Variants in MICB observed in about 807,000 individuals in gnomAD.
MICB encodes MHC class I antigen-related protein B.
MICB carries 27 observed loss-of-function variants against 34.3 expected under a neutral mutation model. The observed-to-expected ratio is 0.79, with a 90% CI of 0.58 to 1.08. MICB has a LOEUF of 1.08. Ranked by LOEUF, MICB falls within the 50% of genes least tolerant of loss-of-function variation. The pLI is 0.00. For missense variants in MICB, 426 were observed against 483.1 expected (o/e 0.88, Z 1.11); for synonymous variants, 153 against 187.4 (o/e 0.82, Z 1.50).
At chr6:31,509,475 G>T (rs191887655) in intron 5 of MICB, among the ~76,000 whole-genome samples, 8 of 152,320 alleles carry the variant, frequency 5.3e-5, no homozygotes, top group Admixed American at 4.6e-4. Context: ...CACTGTAACA[G>T]GACTGGTCAG....
chr6:31,505,176 C>T (rs1162678291), intron 1 of MICB, among the ~76,000 whole-genome samples: 2 of 150,728 alleles, frequency 1.3e-5, no homozygotes, highest in African/African-American at 2.4e-5. Flanking sequence ...CTCAAGGCAG[C>T]TCGCCTTGCC....
chr6:31,502,191 C>T (rs746917246), intron 1 of MICB, among the ~76,000 whole-genome samples: 1 of 152,106 alleles, frequency 6.6e-6, no homozygotes, highest in African/African-American at 2.4e-5. Context: ...CAAAATTAGC[C>T]AGGCGTGGTG....
At chr6:31,501,160 G>C (rs1159099528) in intron 1 of MICB, among the ~76,000 whole-genome samples, 1 of 152,254 alleles carries the variant, frequency 6.6e-6, no homozygotes, top group East Asian at 1.9e-4. Context: ...TAGGAGTTTT[G>C]ATTTGCCTTC....
chr6:31,500,078 G>A lies in MICB; in HGVS notation c.70+1815G>A, dbSNP rs2904594. ...AGACCTAAAACAGGCTGTTGGGCCA[G>A]CTGTTCCTTGACCTTCCTTCTTTTC... On this transcript the variant is annotated intron_variant, in intron 1 of 5. Transcript: ENST00000252229. Among the ~76,000 whole-genome samples the A allele has an allele frequency of 1.2e-4, 18 of 149,892 alleles. 1 individual carries two copies. The East Asian group carries it at 2.0e-3, about 16-fold the overall frequency.
intron 1 of MICB, among the ~76,000 whole-genome samples, chr6:31,500,591 C>G (rs1425947772): frequency 6.6e-6 from 1 of 152,152 alleles, no homozygotes; most frequent in Non-Finnish European, 1.5e-5. Flanking sequence ...CGCACTCCCC[C>G]ACTCCCCACT....
chr6:31,496,982 T>C (rs1328591125), upstream of MICB, among the ~76,000 whole-genome samples: 2 of 152,008 alleles, frequency 1.3e-5, no homozygotes, highest in Non-Finnish European at 2.9e-5. Context: ...AGACAATAGA[T>C]TGTGGGAGCT....
intron 1 of MICB, among the ~76,000 whole-genome samples, chr6:31,505,358 AG>A (rs1468980571): frequency 6.6e-6 from 1 of 152,002 alleles, no homozygotes. Flanking sequence ...CTATTCCCTT[AG>A]GGGGCTTGTG....
In MICB at chr6:31,507,286, A is replaced by C. The variant is rs995362095; in HGVS notation, c.878A>C (p.His293Pro). Reference sequence around the variant, plus strand: ...GAACACAGCGGGAATCACGGCACTCACCCTGTGCCCTCTGGTGAGCCTGGG... The same window carrying C: ...GAACACAGCGGGAATCACGGCACTCCCCCTGTGCCCTCTGGTGAGCCTGGG... ...YMEHSGNHGT[H>P]PVPSGKALVL... The change falls in exon 4 of 6, where the codon CAC becomes CCC. Residue 293 changes from histidine (H) to proline (P), a missense_variant. Coordinates refer to ENST00000252229, the MANE Select transcript of MICB (RefSeq NM_005931.5). The surrounding 1 kb of genome is among the most constrained non-coding windows in gnomAD (Gnocchi z 6.0). The C allele has an allele frequency of 6.2e-7, 1 of 1,612,738 alleles. No homozygotes were observed. The highest frequency in any genetic ancestry group is 8.5e-7 in the Non-Finnish European group (1 of 1,179,434).
chr6:31,506,208 C>T lies in MICB; in HGVS notation c.391C>T (p.Arg131Trp), dbSNP rs1383911821. ...IHEDSSTRGS[R>W]HFYYDGELFL... ...TGAAGACAGCAGCACCAGGGGCTCC[C>T]GGCATTTCTACTACGATGGGGAGCT... The change falls in exon 3 of 6, where the codon CGG (arginine) becomes TGG (tryptophan). Residue 131 changes from arginine (R) to tryptophan (W), a missense_variant. Arg to Trp is a moderately radical substitution (Grantham distance 101). Transcript: ENST00000252229. 1.6e-5 allele frequency: 26 copies of T among 1,613,946 alleles called. No individual in the cohort carries two copies. The highest frequency in any genetic ancestry group is 1.6e-4 in the Middle Eastern group (1 of 6,084).
At chr6:31,508,816 C>T (rs564720945) in intron 5 of MICB, among the ~76,000 whole-genome samples, 3 of 152,204 alleles carry the variant, frequency 2.0e-5, no homozygotes, top group Non-Finnish European at 2.9e-5. Flanking sequence ...AGGATTTCCT[C>T]TAATACTGCT....
chr6:31,506,743 C>T (rs1349298522), intron 3 of MICB, among the ~76,000 whole-genome samples: 2 of 152,134 alleles, frequency 1.3e-5, no homozygotes, highest in Non-Finnish European at 2.9e-5. Flanking sequence ...CTGCCCATCC[C>T]GGAGAGTTCC....
chr6:31,505,418 CCTT>C (rs1765247496), intron 1 of MICB, among the ~76,000 whole-genome samples, 196 bp from the exon 2 acceptor site: 1 of 152,004 alleles, frequency 6.6e-6, no homozygotes, highest in Non-Finnish European at 1.5e-5. Context: ...CTTCATTCCC[CCTT>C]CTTCTGTTCA....
intron 1 of MICB, among the ~76,000 whole-genome samples, chr6:31,505,044 T>C (rs4713470): frequency 0.34 from 51,023 of 150,746 alleles, 8,618 homozygotes; most frequent in East Asian, 0.46. Flanking sequence ...CAAGCCCACA[T>C]CATTGCTCCC....
At chr6:31,494,964 CGCCT>C (rs779321537), upstream of MICB, 51,346 of 155,250 alleles carry the variant, frequency 0.33, 8,774 homozygotes, top group East Asian at 0.46. Context: ...AGGAGGAAGT[CGCCT>C]CTGTGCTCGT....
chr6:31,504,254 C>CTTTTTTTTTTTTTTTTTTT (rs9281513), intron 1 of MICB, among the ~76,000 whole-genome samples: 20 of 60,276 alleles, frequency 3.3e-4, no homozygotes, highest in Admixed American at 5.7e-4. Context: ...CTCTCTTTTT[C>CTTTTTTTTTTTTTTTTTTT]TTTTTTTTTT....
chr6:31,499,158 C>T (rs1340401894), intron 1 of MICB, among the ~76,000 whole-genome samples: 7 of 152,146 alleles, frequency 4.6e-5, no homozygotes, highest in African/African-American at 1.4e-4. Context: ...AGTCTGCAGG[C>T]TCCGGGCAGA....
At chr6:31,498,890 G>A (rs1476175589) in intron 1 of MICB, among the ~76,000 whole-genome samples, 3 of 152,094 alleles carry the variant, frequency 2.0e-5, no homozygotes, top group African/African-American at 7.2e-5. Flanking sequence ...GTCCTTCTGA[G>A]GCCCCTGGGT....
chr6:31,508,110 C>T (rs953096991), intron 5 of MICB, among the ~76,000 whole-genome samples: 1 of 152,162 alleles, frequency 6.6e-6, no homozygotes, highest in Non-Finnish European at 1.5e-5. Flanking sequence ...ATTTGAGGAG[C>T]GGGGCCCAGC....
Position 31,509,931 on chromosome 6 carries a change from G to A in MICB, c.*22G>A. ...CTAGACTCTACAGCCAGGCGGCCAG[G>A]ATTCAACTCCCTGCCTGGATCTCAC... is the stretch of plus-strand genomic sequence containing the variant. On this transcript the variant is annotated 3_prime_UTR_variant, in exon 6 of 6. Transcript: ENST00000252229. The A allele has an allele frequency of 6.3e-7, 1 of 1,579,584 alleles. No individual in the cohort carries two copies. The highest frequency in any genetic ancestry group is 8.6e-7 in the Non-Finnish European group (1 of 1,162,532).
Sources: allele counts gnomAD v4.1 joint callset (sites outside exome capture counted in the v4.1 genomes callset), GRCh38; gene constraint gnomAD v4.1.1; non-coding constraint Gnocchi (gnomAD v3.1); transcripts MANE v1.5; gene names NCBI Gene and HGNC (gene_info 2026-07-23, HGNC 2026-07-21).